Variants in CLEC2A observed in about 807,000 individuals in gnomAD.
The protein encoded by CLEC2A is keratinocyte-associated C-type lectin.
In CLEC2A, 19 loss-of-function variants were observed where a neutral mutation model predicts 18.6. The observed-to-expected ratio is 1.02, with a 90% CI of 0.71 to 1.50. The LOEUF (loss-of-function observed/expected upper bound fraction) is 1.50. CLEC2A is among the 40% of genes most tolerant of loss of function. The pLI, the probability that CLEC2A is intolerant of heterozygous loss-of-function variation, is 0.00. For missense variants in CLEC2A, 190 were observed against 207.9 expected, an observed-to-expected ratio of 0.91 and a Z score of 0.53; for synonymous variants, 74 against 64.0, an observed-to-expected ratio of 1.16 and a Z score of -0.75.
chr12:9,886,824 C>T, the CLEC2A span, among the ~76,000 whole-genome samples: 1 of 148,610 alleles, frequency 6.7e-6, no homozygotes, highest in Non-Finnish European at 1.5e-5. Flanking sequence ...ATAGATAGAG[C>T]CAGGTAGAGC....
intron 4 of CLEC2A, among the ~76,000 whole-genome samples, chr12:9,899,674 T>G (rs941295180): frequency 2.6e-5 from 4 of 152,180 alleles, no homozygotes. Flanking sequence ...GGCTAGAGAA[T>G]AGGAAATGTC....
At chr12:9,896,160 T>A (rs903507442), downstream of CLEC2A, among the ~76,000 whole-genome samples, 1 of 152,230 alleles carries the variant, frequency 6.6e-6, no homozygotes, top group Non-Finnish European at 1.5e-5. Flanking sequence ...GGAATGTTAT[T>A]TAGCTATATG....
At chr12:9,899,045 G>T in intron 4 of CLEC2A, 1 of 679,008 alleles carries the variant, frequency 1.5e-6, no homozygotes, top group Admixed American at 2.0e-5. Flanking sequence ...ACAAGGGGAG[G>T]AGTAAGAATG....
chr12:9,893,002 C>G, the CLEC2A span: 1 of 1,519,628 alleles, frequency 6.6e-7, no homozygotes, highest in Non-Finnish European at 8.8e-7. Flanking sequence ...ATTAATTTTC[C>G]CCTATGTTTT....
chr12:9,926,531 A>G (rs1863275148), intron 1 of CLEC2A, among the ~76,000 whole-genome samples, 188 bp from the exon 2 acceptor site: 1 of 152,196 alleles, frequency 6.6e-6, no homozygotes. Context: ...AATGATTGCT[A>G]TAGCTGTTCG....
At chr12:9,917,748 A>G (rs486890) in intron 3 of CLEC2A, among the ~76,000 whole-genome samples, 93,636 of 152,082 alleles carry the variant, frequency 0.62, 29,262 homozygotes, top group Middle Eastern at 0.68. Flanking sequence ...TCTTTTCTCT[A>G]CAACCTTGCT....
In CLEC2A at chr12:9,927,692, G is replaced by T. The variant is rs547825040; in HGVS notation, c.56-1349C>A. Among the ~76,000 whole-genome samples, 3 of 152,260 alleles carry T rather than the reference G, an allele frequency of 2.0e-5. No individual in the cohort carries two copies. The South Asian group carries it at 6.2e-4, about 31-fold the overall frequency. On this transcript the variant is annotated intron_variant, in intron 1 of 4. Transcript: ENST00000455827. Reference sequence around the variant, plus strand: ...ATGATCACCAGACTACAGATAATGTGCAATAAAGTAATTTCAAGACTGGAT... The same window carrying T: ...ATGATCACCAGACTACAGATAATGTTCAATAAAGTAATTTCAAGACTGGAT...
intron 4 of CLEC2A, among the ~76,000 whole-genome samples, chr12:9,907,596 A>G (rs1226446195): frequency 6.6e-6 from 1 of 152,078 alleles, no homozygotes; most frequent in African/African-American, 2.4e-5. Context: ...CCCCTTGTAA[A>G]TGGTTAAGAA....
chr12:9,910,606 T>A (rs1021845084), downstream of CLEC2A, among the ~76,000 whole-genome samples: 2 of 152,238 alleles, frequency 1.3e-5, no homozygotes, highest in East Asian at 3.8e-4. Context: ...ACAGTAGTAG[T>A]GCTCGTTACC....
At chr12:9,888,544 A>G in the CLEC2A span, among the ~76,000 whole-genome samples, 1 of 152,114 alleles carries the variant, frequency 6.6e-6, no homozygotes, top group African/African-American at 2.4e-5. Context: ...TTTGCACTTA[A>G]AGGAGTAAAA....
At chr12:9,900,488 T>C (rs2137012706) in intron 4 of CLEC2A, among the ~76,000 whole-genome samples, 1 of 152,330 alleles carries the variant, frequency 6.6e-6, no homozygotes, top group East Asian at 1.9e-4. Context: ...TTGGCCTGAT[T>C]GTTTGCATAA....
In CLEC2A at chr12:9,913,462, G is replaced by A. The variant is rs1250703326; in HGVS notation, c.*104C>T. On this transcript the variant is annotated 3_prime_UTR_variant, in exon 5 of 5. Coordinates refer to ENST00000455827, the MANE Select transcript of CLEC2A (RefSeq NM_001130711.2). ...TAAACTAGAAAATGGGCCCTCACCA[G>A]AGGTTCCGTATTCTGTAACAGAATA... is the stretch of plus-strand genomic sequence containing the variant. The A allele has an allele frequency of 3.5e-6, 5 of 1,439,014 alleles. No individual in the cohort carries two copies. In the East Asian group the frequency reaches 1.3e-4, roughly 37 times the overall value. 89.1% of individuals were successfully genotyped at this position (1,439,014 alleles called of 1,614,324 possible).
intron 1 of CLEC2A, among the ~76,000 whole-genome samples, chr12:9,931,641 T>G (rs74063402): frequency 1.3e-3 from 194 of 152,340 alleles, no homozygotes; most frequent in African/African-American, 4.4e-3. Context: ...GATAGTGGTT[T>G]CAGCTGGAGT....
intron 4 of CLEC2A, among the ~76,000 whole-genome samples, chr12:9,902,233 A>ATT (rs3994065): frequency 0.042 from 5,509 of 132,488 alleles, 161 homozygotes; most frequent in African/African-American, 0.063. Flanking sequence ...AAGGTTTGCC[A>ATT]TTTTTTTTTT....
intron 3 of CLEC2A, among the ~76,000 whole-genome samples, chr12:9,918,247 C>G (rs1311273963): frequency 6.6e-6 from 1 of 152,056 alleles, no homozygotes; most frequent in East Asian, 1.9e-4. Context: ...ACATTTAGGT[C>G]TTTAATCCAT....
chr12:9,918,513 A>G (rs1369697935), intron 3 of CLEC2A, among the ~76,000 whole-genome samples: 1 of 152,138 alleles, frequency 6.6e-6, no homozygotes, highest in Non-Finnish European at 1.5e-5. Context: ...CCTGTAGTAT[A>G]GTTTGCAGTC....
At chr12:9,912,518 G>T (rs548922927), downstream of CLEC2A, among the ~76,000 whole-genome samples, 31 of 152,214 alleles carry the variant, frequency 2.0e-4, no homozygotes, top group African/African-American at 7.2e-4. Flanking sequence ...GCCTCTTCTC[G>T]AGCACCCATG....
chr12:9,879,557 T>C, the CLEC2A span, among the ~76,000 whole-genome samples: 1 of 152,218 alleles, frequency 6.6e-6, no homozygotes, highest in South Asian at 2.1e-4. Context: ...TTTGCTGCCT[T>C]GCCCAGGTGT....
chr12:9,904,304 T>C (rs1330916517), intron 4 of CLEC2A, among the ~76,000 whole-genome samples: 3 of 152,114 alleles, frequency 2.0e-5, no homozygotes, highest in African/African-American at 7.2e-5. Flanking sequence ...GAGAGCTACC[T>C]TACAATTTGT....
Sources: allele counts gnomAD v4.1 joint callset (sites outside exome capture counted in the v4.1 genomes callset), GRCh38; gene constraint gnomAD v4.1.1; transcripts MANE v1.5; gene names NCBI Gene and HGNC (gene_info 2026-07-23, HGNC 2026-07-21).